PDE1A: variants seen among roughly 807,000 people sequenced by gnomAD.
PDE1A encodes the protein phosphodiesterase 1A.
A neutral mutation model predicts 61.7 loss-of-function variants in PDE1A; 35 were observed. The observed-to-expected ratio is 0.57, with a 90% confidence interval of 0.43 to 0.75. The LOEUF (loss-of-function observed/expected upper bound fraction) is 0.75. Ranked by LOEUF, PDE1A falls within the 30% of genes least tolerant of loss-of-function variation. PDE1A has a pLI of 0.00. For synonymous variants in PDE1A, 232 were observed against 213.2 expected (o/e 1.09, Z -0.77); for missense variants, 597 against 630.6 (o/e 0.95, Z 0.57).
chr2:182,177,185 A>G (rs1684315019), intron 13 of PDE1A, among the ~76,000 whole-genome samples: 1 of 152,032 alleles, frequency 6.6e-6, no homozygotes, highest in African/African-American at 2.4e-5. Flanking sequence ...TGGTATCAGA[A>G]TGATGCTGGC....
chr2:182,699,824 A>C, the PDE1A span, among the ~76,000 whole-genome samples: 1 of 152,234 alleles, frequency 6.6e-6, no homozygotes, highest in Non-Finnish European at 1.5e-5. Flanking sequence ...ATTTTGGGAG[A>C]TAAACAGAAT....
intron 1 of PDE1A, among the ~76,000 whole-genome samples, chr2:182,338,391 GTTC>G (rs66774233): frequency 0.22 from 33,835 of 152,076 alleles, 4,366 homozygotes; most frequent in East Asian, 0.57. Flanking sequence ...TAACATGAGA[GTTC>G]TTTTCTTGTT....
intron 2 of PDE1A, among the ~76,000 whole-genome samples, chr2:182,441,727 C>A (rs1403104311): frequency 6.6e-6 from 1 of 151,952 alleles, no homozygotes; most frequent in Admixed American, 6.6e-5. Context: ...ATACATCACA[C>A]TAGAAGGTAA....
chr2:182,443,041 G>A (rs1684894119), intron 2 of PDE1A, among the ~76,000 whole-genome samples: 1 of 151,940 alleles, frequency 6.6e-6, no homozygotes, highest in African/African-American at 2.4e-5. Context: ...TCACCCTGAA[G>A]GGGGTTCAGG....
chr2:182,542,686 C>T, the PDE1A span, among the ~76,000 whole-genome samples: 11 of 152,100 alleles, frequency 7.2e-5, no homozygotes, highest in African/African-American at 2.7e-4. Flanking sequence ...CATGGCATAT[C>T]ATTAGAATTT....
chr2:182,236,489 A>T (rs921366259), intron 3 of PDE1A, among the ~76,000 whole-genome samples: 2 of 152,180 alleles, frequency 1.3e-5, no homozygotes, highest in African/African-American at 4.8e-5. Context: ...AAGAAATTTT[A>T]AAATGTTAAT....
intron 2 of PDE1A, among the ~76,000 whole-genome samples, chr2:182,448,958 T>C (rs1685317214): frequency 6.6e-6 from 1 of 151,824 alleles, no homozygotes; most frequent in Non-Finnish European, 1.5e-5. Context: ...AAATTGATTC[T>C]TCTCTATATT....
At chr2:182,206,780 G>T (rs1359498386) in intron 7 of PDE1A, among the ~76,000 whole-genome samples, 1 of 152,168 alleles carries the variant, frequency 6.6e-6, no homozygotes, top group Non-Finnish European at 1.5e-5. Flanking sequence ...CCCCCATGCT[G>T]TTCTTGTGAT....
At chr2:182,168,300 A>C in intron 13 of PDE1A, 1 of 1,583,068 alleles carries the variant, frequency 6.3e-7, no homozygotes, top group East Asian at 2.3e-5. Flanking sequence ...TCTGAAAAAA[A>C]AAAAAGCGTA....
At chr2:182,174,788 A>C (rs918782626) in intron 13 of PDE1A, among the ~76,000 whole-genome samples, 19 of 151,862 alleles carry the variant, frequency 1.3e-4, no homozygotes, top group African/African-American at 4.6e-4. Flanking sequence ...ATACATGTGC[A>C]GAATGTGTAG....
intron 2 of PDE1A, among the ~76,000 whole-genome samples, chr2:182,500,983 T>C (rs1689052101): frequency 6.6e-6 from 1 of 152,214 alleles, no homozygotes. Context: ...TGTAGCTATT[T>C]TGTTATAAAA....
the PDE1A span, among the ~76,000 whole-genome samples, chr2:182,614,422 A>C: frequency 6.6e-6 from 1 of 152,122 alleles, no homozygotes; most frequent in South Asian, 2.1e-4. Context: ...AAACTCTATA[A>C]ATTTTAATTC....
chr2:182,199,509 CA>C (rs1461227301), intron 10 of PDE1A, among the ~76,000 whole-genome samples: 1 of 151,930 alleles, frequency 6.6e-6, no homozygotes, highest in African/African-American at 2.4e-5. Context: ...ATTATGTTTT[CA>C]AAATCATTCA....
intron 1 of PDE1A, among the ~76,000 whole-genome samples, chr2:182,291,434 A>C (rs541580123): frequency 5.9e-5 from 9 of 152,288 alleles, no homozygotes; most frequent in African/African-American, 2.2e-4. Flanking sequence ...ACAGTATTGC[A>C]CGTAGTGCAT....
At chr2:182,689,071 G>T in the PDE1A span, among the ~76,000 whole-genome samples, 2 of 152,024 alleles carry the variant, frequency 1.3e-5, no homozygotes, top group African/African-American at 2.4e-5. Context: ...TCCCACACAA[G>T]AATAATGGGA....
intron 1 of PDE1A, among the ~76,000 whole-genome samples, chr2:182,424,153 C>A (rs1038553779): frequency 1.3e-5 from 2 of 152,026 alleles, no homozygotes; most frequent in South Asian, 4.1e-4. Context: ...CCATGTTGCC[C>A]AGGGTAGTCT....
the PDE1A span, among the ~76,000 whole-genome samples, chr2:182,670,969 C>T: frequency 6.6e-6 from 1 of 151,742 alleles, no homozygotes; most frequent in Non-Finnish European, 1.5e-5. Flanking sequence ...AGGCGTACAC[C>T]ACCAAGCCTA....
intron 2 of PDE1A, among the ~76,000 whole-genome samples, chr2:182,481,947 A>G (rs971672012): frequency 3.3e-5 from 5 of 151,900 alleles, no homozygotes; most frequent in South Asian, 2.1e-4. Context: ...TGAGTGACCA[A>G]TGTAATTATC....
At chr2:182,481,933 C>A (rs1322330475) in intron 2 of PDE1A, among the ~76,000 whole-genome samples, 1 of 151,902 alleles carries the variant, frequency 6.6e-6, no homozygotes, top group African/African-American at 2.4e-5. Flanking sequence ...AATCCCTTGG[C>A]AGCTGAGTGA....
Sources: gnomAD v4.1 joint callset for allele counts (sites outside exome capture counted in the v4.1 genomes callset) on GRCh38, gnomAD v4.1.1 for gene constraint, MANE v1.5 for transcripts, NCBI Gene and HGNC (gene_info 2026-07-23, HGNC 2026-07-21) for gene names.